The following ACACA variants were observed in gnomAD, a reference collection of about 807,000 sequenced individuals.
The protein encoded by ACACA is acetyl-CoA carboxylase alpha, also known as acetyl-CoA carboxylase 1.
A neutral mutation model predicts 296.1 loss-of-function variants in ACACA; 103 were observed. That is an observed-to-expected ratio of 0.35 (90% confidence interval 0.30 to 0.41). The LOEUF is 0.41. Among genes scored for constraint, ACACA ranks in the 10% least tolerant of loss-of-function variants. The probability of loss-of-function intolerance (pLI) is 1.00; values close to 1 mark genes in which losing one functional copy is unlikely to be tolerated. For missense variants in ACACA, 1,554 were observed against 2,989.7 expected (o/e 0.52, Z 11.20); for synonymous variants, 953 against 1,038.6 (o/e 0.92, Z 1.58).
At chr17:37,146,441 G>C (rs1333393188) in intron 45 of ACACA, among the ~76,000 whole-genome samples, 1 of 151,560 alleles carries the variant, frequency 6.6e-6, no homozygotes, top group Non-Finnish European at 1.5e-5. Context: ...TGGGGTTTGG[G>C]GGGTAGGGGA....
chr17:37,129,297 A>T (rs2074975369), intron 47 of ACACA, 68 bp downstream of exon 47: 2 of 1,588,958 alleles, frequency 1.3e-6, no homozygotes, highest in South Asian at 2.2e-5. Flanking sequence ...CAGGAATTGG[A>T]TAGTGATTGA....
chr17:37,193,491 G>A (rs2077850902), intron 35 of ACACA, 76 bp from the exon 36 acceptor site: 2 of 1,168,732 alleles, frequency 1.7e-6, no homozygotes, highest in Admixed American at 1.8e-5. Context: ...TATAGAAACA[G>A]TTAAGCATTT....
intron 3 of ACACA, among the ~76,000 whole-genome samples, chr17:37,319,625 C>T (rs1055046626): frequency 1.3e-5 from 2 of 151,506 alleles, no homozygotes; most frequent in Admixed American, 6.6e-5. Flanking sequence ...GAGTTCAAGA[C>T]CACCCTGGGC....
intron 43 of ACACA, among the ~76,000 whole-genome samples, chr17:37,152,593 A>C (rs1429910607): frequency 6.6e-6 from 1 of 152,158 alleles, no homozygotes; most frequent in Non-Finnish European, 1.5e-5. Flanking sequence ...GTTGTCCAGA[A>C]AGCATCCTGT....
intron 24 of ACACA, among the ~76,000 whole-genome samples, chr17:37,236,798 T>G (rs1264248202): frequency 6.6e-6 from 1 of 152,088 alleles, no homozygotes; most frequent in African/African-American, 2.4e-5. Flanking sequence ...GCACTCCAGC[T>G]TGGGTGTCAG....
At chr17:37,127,902 T>G (rs2074878304) in intron 47 of ACACA, among the ~76,000 whole-genome samples, 1 of 141,844 alleles carries the variant, frequency 7.1e-6, no homozygotes, top group Non-Finnish European at 1.6e-5. Flanking sequence ...AGGCTCATAG[T>G]TCTTATCATA....
At chr17:37,334,957 G>A (rs1362562049) in intron 2 of ACACA, among the ~76,000 whole-genome samples, 8 of 152,092 alleles carry the variant, frequency 5.3e-5, no homozygotes, top group Non-Finnish European at 7.3e-5. Context: ...CAGGAAAAAC[G>A]ATTAATCCCA....
intron 52 of ACACA, among the ~76,000 whole-genome samples, chr17:37,111,159 G>A (rs1054982164): frequency 6.6e-6 from 1 of 152,036 alleles, no homozygotes; most frequent in South Asian, 2.1e-4. Context: ...TCTCAGAAAT[G>A]AAGTGAGCTG....
chr17:37,388,365 C>T (rs543139733), intron 1 of ACACA, among the ~76,000 whole-genome samples: 8 of 152,138 alleles, frequency 5.3e-5, no homozygotes, highest in South Asian at 4.2e-4. Flanking sequence ...CATGTGTACC[C>T]GAGATTTTTC....
intron 32 of ACACA, 23 bp downstream of exon 32, chr17:37,206,760 G>A: frequency 6.5e-7 from 1 of 1,549,592 alleles, no homozygotes. Flanking sequence ...GAACAAAGCA[G>A]TCTCCCAAAA....
intron 1 of ACACA, chr17:37,388,567 C>G (rs2050652166): frequency 7.3e-7 from 1 of 1,369,702 alleles, no homozygotes; most frequent in Admixed American, 2.1e-5. Flanking sequence ...TAGTCTGGGC[C>G]TCTAATAGTC....
chr17:37,130,014 G>C, intron 46 of ACACA, 61 bp downstream of exon 46: 1 of 1,597,332 alleles, frequency 6.3e-7, no homozygotes, highest in South Asian at 1.1e-5. Flanking sequence ...CAGAGGCAGT[G>C]AGCTGTGGTG....
Position 37,188,292 on chromosome 17 carries a change from G to C in ACACA, c.4761C>G (p.Asp1587Glu). 1 of 1,614,046 alleles carries C rather than the reference G, an allele frequency of 6.2e-7. No homozygotes were observed. The highest frequency in any genetic ancestry group is 1.1e-5 in the South Asian group (1 of 91,070). ...LDISLYKEVT[D>E]SRTAQIMFQA... ...AGTATTGTACCTGTGCTGTCCTGGA[G>C]TCAGTCACTTCCTTGTATAGGCTGA... is the stretch of plus-strand genomic sequence containing the variant. Residue 1587 changes from aspartate to glutamate, a missense_variant, in exon 39 of 56, where the codon GAC becomes GAG. Asp to Glu is a conservative substitution (Grantham distance 45). Transcript: ENST00000616317.
intron 1 of ACACA, among the ~76,000 whole-genome samples, chr17:37,368,511 G>T (rs1404899506): frequency 6.6e-6 from 1 of 151,992 alleles, no homozygotes; most frequent in Non-Finnish European, 1.5e-5. Flanking sequence ...ATCCCAGGTG[G>T]TGGTGGTTGC....
chr17:37,322,150 A>G (rs960952955), intron 3 of ACACA, among the ~76,000 whole-genome samples: 20 of 152,232 alleles, frequency 1.3e-4, no homozygotes, highest in African/African-American at 4.8e-4. Flanking sequence ...TTGGTAAAGT[A>G]CTTTTCTTTC....
At chr17:37,176,701 A>G (rs913651892) in intron 41 of ACACA, among the ~76,000 whole-genome samples, 1 of 152,214 alleles carries the variant, frequency 6.6e-6, no homozygotes, top group Admixed American at 6.5e-5. Context: ...GCTGTCCCTC[A>G]GAGTTCTGAC....
chr17:37,332,348 C>A (rs972092305), intron 2 of ACACA, among the ~76,000 whole-genome samples: 3 of 151,280 alleles, frequency 2.0e-5, no homozygotes, highest in African/African-American at 7.3e-5. Flanking sequence ...AAATAAGAGC[C>A]CACAACAATA....
intron 4 of ACACA, among the ~76,000 whole-genome samples, chr17:37,284,016 A>C (rs1044165592): frequency 6.6e-6 from 1 of 152,232 alleles, no homozygotes; most frequent in Non-Finnish European, 1.5e-5. Flanking sequence ...ACACAGACTA[A>C]TAGACACATA....
intron 30 of ACACA, 129 bp downstream of exon 30, chr17:37,210,338 G>C: frequency 2.5e-6 from 2 of 806,150 alleles, no homozygotes; most frequent in Non-Finnish European, 2.1e-6. Flanking sequence ...ATGTCCAAAG[G>C]GGAGCTCAGG....
Sources: gnomAD v4.1 joint callset for allele counts (sites outside exome capture counted in the v4.1 genomes callset) on GRCh38, gnomAD v4.1.1 for gene constraint, MANE v1.5 for transcripts, NCBI Gene and HGNC (gene_info 2026-07-23, HGNC 2026-07-21) for gene names.